The following PARP15 variants were observed in gnomAD, a reference collection of about 807,000 sequenced individuals.
PARP15 encodes protein mono-ADP-ribosyltransferase PARP15.
In PARP15, 50 loss-of-function variants were observed where a neutral mutation model predicts 62.1. That is an observed-to-expected ratio of 0.81 (90% confidence interval 0.64 to 1.02). The LOEUF (loss-of-function observed/expected upper bound fraction) is 1.02. PARP15 is among the 50% of genes least tolerant of loss of function. The pLI, the probability that PARP15 is intolerant of heterozygous loss-of-function variation, is 0.00. For missense variants in PARP15, 820 were observed against 826.5 expected, an observed-to-expected ratio of 0.99 and a Z score of 0.10; for synonymous variants, 309 against 293.1, an observed-to-expected ratio of 1.05 and a Z score of -0.55.
Position 122,615,042 on chromosome 3 carries a change from AAAAAG to A in PARP15, c.772-718_772-714del, listed in dbSNP as rs1175544418. ...GAGACTCTGTCTGCAAAAAAAAAAA[AAAAAG>A]AAAAGAAAAGAAAAGAAAGAAAGAA... On this transcript the variant is annotated intron_variant, in intron 4 of 11. Transcript: ENST00000464300. 113 of 968,280 alleles carry A rather than the reference AAAAAG, an allele frequency of 1.2e-4. No homozygotes were observed. In the South Asian group the frequency reaches 2.1e-3, roughly 18 times the overall value. 60.0% of individuals were successfully genotyped at this position (968,280 alleles called of 1,614,324 possible).
intron 2 of PARP15, among the ~76,000 whole-genome samples, chr3:122,610,115 T>C (rs932552561): frequency 1.3e-5 from 2 of 152,226 alleles, no homozygotes; most frequent in Non-Finnish European, 2.9e-5. Flanking sequence ...TCAATCTTTC[T>C]GTGTTTTTGT....
chr3:122,594,437 A>G (rs886100566), intron 1 of PARP15: 1 of 528,272 alleles, frequency 1.9e-6, no homozygotes. Flanking sequence ...CTATTATCAT[A>G]TTACAAAGTA....
intron 1 of PARP15, among the ~76,000 whole-genome samples, chr3:122,599,412 C>A (rs1934613764): frequency 6.6e-6 from 1 of 152,022 alleles, no homozygotes. Flanking sequence ...GATCTAAATC[C>A]TTCCAGATTT....
At chr3:122,598,106 T>A (rs1441582687) in intron 1 of PARP15, among the ~76,000 whole-genome samples, 2 of 152,214 alleles carry the variant, frequency 1.3e-5, no homozygotes, top group East Asian at 3.8e-4. Flanking sequence ...GTATAGTGGT[T>A]AGAGCTTGGC....
rs1354804743 is a variant in PARP15, at chr3:122,577,710, G to T, written c.43G>T (p.Gly15Trp). ...CCTTCCTGCCGCTGCTCTGAGTCCA[G>T]GGGCTCCGACCCCCAGAGAACTTAT... ...GPLPAAALSP[G>W]APTPRELMHG... is the part of the protein sequence containing the mutation. Residue 15 changes from glycine (G) to tryptophan (W), a missense_variant, in exon 1 of 12, where the codon GGG becomes TGG. Gly to Trp is a radical substitution (Grantham distance 184). Transcript: ENST00000464300. The T allele has an allele frequency of 6.4e-7, 1 of 1,551,576 alleles. No homozygotes were observed. Among genetic ancestry groups the T allele is most frequent in the Non-Finnish European group, 8.7e-7 (1 of 1,146,992 alleles).
At chr3:122,608,005 G>T (rs938779415) in intron 2 of PARP15, among the ~76,000 whole-genome samples, 2 of 151,748 alleles carry the variant, frequency 1.3e-5, no homozygotes, top group African/African-American at 4.9e-5. Flanking sequence ...CATTATTTTA[G>T]CAGGTACTTC....
At chr3:122,635,261 A>G in intron 11 of PARP15, 67 bp downstream of exon 11, 1 of 1,455,506 alleles carries the variant, frequency 6.9e-7, no homozygotes, top group Non-Finnish European at 9.4e-7. Context: ...TTCATACCCA[A>G]GCAGTGTGGA....
intron 10 of PARP15, 62 bp from the exon 11 acceptor site, chr3:122,634,957 AC>A: frequency 2.7e-6 from 4 of 1,479,696 alleles, no homozygotes; most frequent in Non-Finnish European, 3.7e-6. Flanking sequence ...TAAATCCACA[AC>A]AAGTACAATA....
At chr3:122,589,566 C>T (rs1208585237) in intron 1 of PARP15, among the ~76,000 whole-genome samples, 2 of 152,124 alleles carry the variant, frequency 1.3e-5, no homozygotes, top group Non-Finnish European at 2.9e-5. Flanking sequence ...TCATTTTAGT[C>T]ATTCTAGTGG....
intron 4 of PARP15, chr3:122,615,333 T>C (rs1441750924): frequency 1.5e-6 from 2 of 1,291,400 alleles, no homozygotes; most frequent in African/African-American, 1.5e-5. Context: ...ATGTATTTGT[T>C]GTTAATCAAC....
At position 122,635,190 on chromosome 3, in the gene PARP15, A is replaced by G. The variant is rs1106346; in HGVS notation, c.1743A>G (p.Lys581=). 0.37 allele frequency: 597,428 copies of G among 1,611,102 alleles called. 112,490 individuals are homozygous for G. The highest frequency in any genetic ancestry group is 0.5 in the East Asian group (22,425 of 44,808). Residue 581 remains lysine (K), a synonymous_variant, in exon 11 of 12, where the codon AAA becomes AAG. Transcript: ENST00000464300. The part of the protein sequence containing the change: ...QHGFNRSCAG[K]NAVSYGKGTY... ...GCTTTAATAGAAGTTGTGCTGGGAA[A>G]AATGGTAAGGAAGCAAGTAATTTGG...
intron 8 of PARP15, among the ~76,000 whole-genome samples, chr3:122,625,134 G>A (rs1404314359): frequency 6.6e-6 from 1 of 152,082 alleles, no homozygotes; most frequent in Non-Finnish European, 1.5e-5. Context: ...GCAAACTGAA[G>A]TGTAGAGGTG....
Position 122,613,528 on chromosome 3 carries a change from G to T in PARP15, c.771+260G>T, listed in dbSNP as rs910684623. On this transcript the variant is annotated intron_variant, in intron 4 of 11. Transcript: ENST00000464300. ...AAGTTATTGGCATAAAAATGGCCTA[G>T]ACATTTTAACACTGACTACATGAAA... Among the ~76,000 whole-genome samples the T allele has an allele frequency of 7.2e-5, 11 of 152,290 alleles. No individual in the cohort carries two copies. In the East Asian group the frequency reaches 2.1e-3, roughly 29 times the overall value.
intron 2 of PARP15, among the ~76,000 whole-genome samples, chr3:122,609,763 C>A (rs1935432228): frequency 6.6e-6 from 1 of 150,956 alleles, no homozygotes; most frequent in African/African-American, 2.4e-5. Flanking sequence ...TTACTCCCAA[C>A]TTACCAGGGA....
At chr3:122,600,156 C>T (rs1934678407) in intron 1 of PARP15, among the ~76,000 whole-genome samples, 1 of 152,170 alleles carries the variant, frequency 6.6e-6, no homozygotes, top group Non-Finnish European at 1.5e-5. Context: ...CACTGTCCTT[C>T]ATTGCTATCA....
intron 1 of PARP15, among the ~76,000 whole-genome samples, chr3:122,601,036 G>T (rs372882444): frequency 1.6e-4 from 12 of 73,032 alleles, no homozygotes; most frequent in East Asian, 3.7e-4. Flanking sequence ...GTCTTTTATG[G>T]TTTTTTTTTT....
chr3:122,621,677 CT>C (rs1936359243), intron 8 of PARP15, 66 bp downstream of exon 8: 12 of 1,431,750 alleles, frequency 8.4e-6, no homozygotes, highest in Non-Finnish European at 1.1e-5. Flanking sequence ...TAGTCTCACT[CT>C]TAAGCAGATC....
intron 1 of PARP15, among the ~76,000 whole-genome samples, chr3:122,585,423 G>A (rs139090858): frequency 1.1e-3 from 164 of 152,342 alleles, no homozygotes; most frequent in African/African-American, 3.7e-3. Flanking sequence ...ATTGGATCTT[G>A]CAAAGAGGTA....
intron 4 of PARP15, chr3:122,615,083 A>G (rs2107549061): frequency 1.0e-6 from 1 of 984,216 alleles, no homozygotes; most frequent in Non-Finnish European, 1.2e-6. Context: ...AGAGAAAAAG[A>G]AAAAGTAGAA....
Sources: gnomAD v4.1 joint callset for allele counts (sites outside exome capture counted in the v4.1 genomes callset) on GRCh38, gnomAD v4.1.1 for gene constraint, MANE v1.5 for transcripts, NCBI Gene and HGNC (gene_info 2026-07-23, HGNC 2026-07-21) for gene names.